The following PBX3 variants were observed in gnomAD, a reference collection of about 807,000 sequenced individuals.
The protein encoded by PBX3 is pre-B-cell leukemia transcription factor 3.
In PBX3, 14 loss-of-function variants were observed where a neutral mutation model predicts 48.5. The observed-to-expected ratio is 0.29, with a 90% CI of 0.19 to 0.45. PBX3 has a LOEUF of 0.45. Among genes scored for constraint, PBX3 ranks in the 20% least tolerant of loss-of-function variants. PBX3 has a pLI of 1.00. For missense variants in PBX3, 386 were observed against 546.7 expected (o/e 0.71, Z 2.93); for synonymous variants, 210 against 200.3 (o/e 1.05, Z -0.41).
chr9:125,949,366 C>A lies in PBX3; in HGVS notation c.844-11318C>A, dbSNP rs1027014377. ...CATCCATTCAACCTACATTTTCTTG[C>A]CGGGCATACAGAGTCTTGTAAAGGA... is the stretch of plus-strand genomic sequence containing the variant. On this transcript the variant is annotated intron_variant, in intron 5 of 8. Transcript: ENST00000373489. 1.9e-6 allele frequency: 3 copies of A among 1,550,308 alleles called. No homozygotes were observed. The Admixed American group carries it at 5.9e-5, about 30-fold the overall frequency.
rs1841310561 is a variant in PBX3, at chr9:125,915,629, A to G, written c.275-57A>G. 15 of 1,339,256 alleles carry G rather than the reference A, an allele frequency of 1.1e-5. No homozygotes were observed. In the Admixed American group the frequency reaches 1.6e-4, roughly 15 times the overall value. The allele number at this position is 1,339,256 out of a possible 1,614,324, so 83.0% of individuals were successfully genotyped here. ...CTCGAATAAACAAAATACTCACACT[A>G]TTTGTCCTCTGTTTCTCGCTTCTTC... On this transcript the variant is annotated intron_variant, in intron 2 of 8. Coordinates refer to ENST00000373489, the MANE Select transcript of PBX3 (RefSeq NM_006195.6).
In PBX3 at chr9:125,784,468, A is replaced by G. The variant is rs546503876; in HGVS notation, c.274+35845A>G. 1.1e-4 allele frequency among the ~76,000 whole-genome samples: 16 copies of G among 152,288 alleles called. 2 individuals are homozygous for G. The South Asian group carries it at 1.7e-3, about 16-fold the overall frequency. On this transcript the variant is annotated intron_variant, in intron 2 of 8. Coordinates refer to ENST00000373489, the MANE Select transcript of PBX3 (RefSeq NM_006195.6). The stretch of plus-strand genomic sequence containing the variant: ...TGTTGTTGTTGTGGTTAAGAATTGG[A>G]TATTTTAATGTGGTGGTAACTCTGG...
chr9:125,926,363 T>C (rs1841575898), intron 3 of PBX3, among the ~76,000 whole-genome samples: 1 of 151,122 alleles, frequency 6.6e-6, no homozygotes, highest in African/African-American at 2.4e-5. Context: ...CTACTAAAAA[T>C]ACAAAAATTA....
chr9:125,960,773 G>A lies in PBX3; in HGVS notation c.933G>A (p.Thr311=), dbSNP rs1046637995. 2.5e-6 allele frequency: 4 copies of A among 1,614,068 alleles called. No homozygotes were observed. The highest frequency in any genetic ancestry group is 1.3e-5 in the African/African-American group (1 of 74,924). The change falls in exon 6 of 9, where the codon ACG becomes ACA. Residue 311 remains threonine (T), a synonymous_variant. Coordinates refer to ENST00000373489, the MANE Select transcript of PBX3 (RefSeq NM_006195.6). ...QEEANLYAAK[T]AVTAAHAVAA... ...AAGCCAACCTCTATGCTGCAAAGAC[G>A]GCCGTGACAGCTGCACACGCAGTAG...
chr9:125,772,679 A>T (rs531544931), intron 2 of PBX3, among the ~76,000 whole-genome samples: 6 of 152,232 alleles, frequency 3.9e-5, no homozygotes, highest in Non-Finnish European at 8.8e-5. Context: ...AGGTGAATGT[A>T]TGTACAGGAC....
rs572356736 is a variant in PBX3 at position 125,940,688 on chromosome 9, A to C, written c.843+5081A>C. ...CAATGAGAATGAATGAACTATAACT[A>C]TATGTAACTACATAATGCTAAGTAA... On this transcript the variant is annotated intron_variant, in intron 5 of 8. Coordinates refer to ENST00000373489, the MANE Select transcript of PBX3 (RefSeq NM_006195.6). 1.2e-4 allele frequency among the ~76,000 whole-genome samples: 19 copies of C among 152,392 alleles called. No homozygotes were observed. In the South Asian group the frequency reaches 3.9e-3, roughly 32 times the overall value.
At chr9:125,879,077 C>CTTTTTT (rs36094728) in intron 2 of PBX3, among the ~76,000 whole-genome samples, 14 of 124,610 alleles carry the variant, frequency 1.1e-4, no homozygotes, top group South Asian at 2.6e-4. Context: ...ACATGCTATT[C>CTTTTTT]TTTTTTTTTT....
chr9:125,958,365 TA>T (rs1472228670), intron 5 of PBX3, among the ~76,000 whole-genome samples: 2 of 152,212 alleles, frequency 1.3e-5, no homozygotes, highest in African/African-American at 4.8e-5. Flanking sequence ...CCTATGCAGT[TA>T]TAATGCACAC....
intron 5 of PBX3, among the ~76,000 whole-genome samples, chr9:125,956,553 A>G (rs1842313140): frequency 6.6e-6 from 1 of 152,212 alleles, no homozygotes; most frequent in African/African-American, 2.4e-5. Context: ...CCTTGCAGAA[A>G]AGTTCCAGAA....
intron 2 of PBX3, among the ~76,000 whole-genome samples, chr9:125,775,839 A>G (rs2132014639): frequency 6.6e-6 from 1 of 152,340 alleles, no homozygotes; most frequent in South Asian, 2.1e-4. Flanking sequence ...CATCTTAACA[A>G]TATTAAGTCT....
chr9:125,929,334 A>G (rs1364137311), intron 3 of PBX3, among the ~76,000 whole-genome samples: 1 of 152,222 alleles, frequency 6.6e-6, no homozygotes, highest in East Asian at 1.9e-4. Flanking sequence ...AGTATTAACA[A>G]TTAACATATA....
rs555976781 is a variant in PBX3 at position 125,944,003 on chromosome 9, C to G, written c.843+8396C>G. Reference sequence around the variant, plus strand: ...CCAGTGCCTACTATTGGCCAGAAGCCTGAGGGCACCCAGGGCAGCCTCCTG... The same window carrying G: ...CCAGTGCCTACTATTGGCCAGAAGCGTGAGGGCACCCAGGGCAGCCTCCTG... On this transcript the variant is annotated intron_variant, in intron 5 of 8. Coordinates refer to ENST00000373489, the MANE Select transcript of PBX3 (RefSeq NM_006195.6). 2.0e-5 allele frequency among the ~76,000 whole-genome samples: 3 copies of G among 152,330 alleles called. No individual in the cohort carries two copies. In the East Asian group the frequency reaches 5.8e-4, roughly 29 times the overall value.
At chr9:125,946,768 A>G (rs1281961700) in intron 5 of PBX3, among the ~76,000 whole-genome samples, 2 of 152,202 alleles carry the variant, frequency 1.3e-5, no homozygotes, top group Non-Finnish European at 2.9e-5. Flanking sequence ...TGAGCCCCAG[A>G]AGCAAATGTG....
chr9:125,866,968 T>G (rs992747446), intron 2 of PBX3, among the ~76,000 whole-genome samples: 5 of 152,202 alleles, frequency 3.3e-5, no homozygotes, highest in African/African-American at 1.2e-4. Context: ...ATGGTTGTGT[T>G]AGGTAAACAT....
At chr9:125,965,076 G>A (rs1042170852) in intron 8 of PBX3, among the ~76,000 whole-genome samples, 1 of 152,204 alleles carries the variant, frequency 6.6e-6, no homozygotes, top group Admixed American at 6.5e-5. Flanking sequence ...ATAAAAATAT[G>A]TAGCGACAAG....
chr9:125,747,725 G>GGTGGCGGCCGAGTCGAGGCCCGGT lies in PBX3; in HGVS notation c.200+78_200+79insGCCGAGTCGAGGCCCGGTGTGGCG, dbSNP rs1306598060. ...GGCCCGCGGCCGAGTCGAGGCCCGG[G>GGTGGCGGCCGAGTCGAGGCCCGGT]GTGGCGCCCGGGGCTAGGGCCGCAG... On this transcript the variant is annotated intron_variant, in intron 1 of 8. Coordinates refer to ENST00000373489, the MANE Select transcript of PBX3 (RefSeq NM_006195.6). 25 of 1,224,352 alleles carry GGTGGCGGCCGAGTCGAGGCCCGGT rather than the reference G, an allele frequency of 2.0e-5. No individual in the cohort carries two copies. The Middle Eastern group carries it at 6.0e-4, about 29-fold the overall frequency. The allele number at this position is 1,224,352 out of a possible 1,614,324, so 75.8% of individuals were successfully genotyped here. A position where few individuals can be genotyped will look rare whatever the true frequency, so the allele number is the denominator to read the frequency against.
chr9:125,869,819 G>C (rs1840073578), intron 2 of PBX3, among the ~76,000 whole-genome samples: 1 of 152,050 alleles, frequency 6.6e-6, no homozygotes, highest in African/African-American at 2.4e-5. Context: ...AATGAGAAAG[G>C]AAAATAGGAA....
intron 2 of PBX3, among the ~76,000 whole-genome samples, chr9:125,803,863 CTG>C (rs1170331977): frequency 1.3e-5 from 2 of 152,190 alleles, no homozygotes; most frequent in Non-Finnish European, 2.9e-5. Context: ...TATGAACTCT[CTG>C]TTTGAATTAC....
At chr9:125,804,701 G>C (rs1156378856) in intron 2 of PBX3, among the ~76,000 whole-genome samples, 1 of 152,158 alleles carries the variant, frequency 6.6e-6, no homozygotes, top group South Asian at 2.1e-4. Flanking sequence ...CACTTTGAGA[G>C]GCCGAGGCAG....
Sources: gnomAD v4.1 joint callset for allele counts (sites outside exome capture counted in the v4.1 genomes callset) on GRCh38, gnomAD v4.1.1 for gene constraint, MANE v1.5 for transcripts, NCBI Gene and HGNC (gene_info 2026-07-23, HGNC 2026-07-21) for gene names.